Variants in BRD1 observed in about 807,000 individuals in gnomAD.
BRD1 encodes bromodomain-containing protein 1.
A neutral mutation model predicts 107.7 loss-of-function variants in BRD1; 24 were observed. The observed-to-expected ratio is 0.22, with a 90% confidence interval of 0.16 to 0.31. BRD1 has a LOEUF of 0.31. Ranked by LOEUF, BRD1 falls within the 10% of genes least tolerant of loss-of-function variation. BRD1 has a pLI of 1.00. For synonymous variants in BRD1, 744 were observed against 686.1 expected, an observed-to-expected ratio of 1.08 and a Z score of -1.32; for missense variants, 1,279 against 1,638.6, an observed-to-expected ratio of 0.78 and a Z score of 3.79.
chr22:49,774,115 G>A lies in BRD1; in HGVS notation c.*118C>T, dbSNP rs565642185. The A allele has an allele frequency of 1.5e-4, 197 of 1,344,816 alleles. No individual in the cohort carries two copies. The African/African-American group carries it at 1.5e-3, about 10-fold the overall frequency. The allele number at this position is 1,344,816 out of a possible 1,614,324, so 83.3% of individuals were successfully genotyped here. On this transcript the variant is annotated 3_prime_UTR_variant, in exon 13 of 13. Coordinates refer to ENST00000404760, the MANE Select transcript of BRD1 (RefSeq NM_001304808.3). ...TGGAAATAAAACCTCCCCCCTCCCC[G>A]GGGAAAAAGAATTAAAGAGCTATAA...
At chr22:49,784,960 T>G (rs2059294192) in intron 8 of BRD1, among the ~76,000 whole-genome samples, 1 of 152,222 alleles carries the variant, frequency 6.6e-6, no homozygotes, top group East Asian at 1.9e-4. Flanking sequence ...CACTCGGAAA[T>G]GAGAGAGCAG....
Position 49,824,364 on chromosome 22 carries a change from C to CGCAGGGTGACCAAAGACT in BRD1, c.-14-51_-14-34dup. On this transcript the variant is annotated intron_variant, in intron 1 of 12. Coordinates refer to ENST00000404760, the MANE Select transcript of BRD1 (RefSeq NM_001304808.3). The surrounding 1 kb of genome is among the most constrained non-coding windows in gnomAD (Gnocchi z 5.9). ...GAAGGCAAAAGTAAAGGTAATTCTA[C>CGCAGGGTGACCAAAGACT]GCAGGGTGACCAAAGACTCGAGAAA... The CGCAGGGTGACCAAAGACT allele has an allele frequency of 6.3e-7, 1 of 1,599,198 alleles. No homozygotes were observed. Among genetic ancestry groups the CGCAGGGTGACCAAAGACT allele is most frequent in the Non-Finnish European group, 8.5e-7 (1 of 1,171,984 alleles).
chr22:49,802,178 G>A (rs536722718), intron 3 of BRD1, among the ~76,000 whole-genome samples: 10 of 145,638 alleles, frequency 6.9e-5, no homozygotes, highest in South Asian at 2.2e-4. Flanking sequence ...CCAACATCGC[G>A]GGGGCCGAGA....
chr22:49,776,998 T>C lies in BRD1; in HGVS notation c.3121+36A>G, dbSNP rs369232838. 97 of 1,611,036 alleles carry C rather than the reference T, an allele frequency of 6.0e-5. 1 individual carries two copies. Among genetic ancestry groups the C allele is most frequent in the Non-Finnish European group, 8.1e-5 (95 of 1,179,496 alleles). ...GAGCCCTAAGACGCTAACCAGGAGG[T>C]GTGGAGAGCCATGGAGGCAGGTCCG... On this transcript the variant is annotated intron_variant, in intron 10 of 12. Transcript: ENST00000404760.
chr22:49,795,094 GAATA>G (rs1195293074), intron 6 of BRD1, among the ~76,000 whole-genome samples: 2 of 152,170 alleles, frequency 1.3e-5, no homozygotes, highest in Non-Finnish European at 2.9e-5. Context: ...CTCTTTGGCT[GAATA>G]AATAAAGTAG....
intron 2 of BRD1, among the ~76,000 whole-genome samples, chr22:49,810,696 A>G (rs557814825): frequency 6.6e-6 from 1 of 152,356 alleles, no homozygotes; most frequent in African/African-American, 2.4e-5. Context: ...AAAATATGCA[A>G]ATGGCCAGGC....
chr22:49,823,579 C>T lies in BRD1; in HGVS notation c.739G>A (p.Gly247Arg), dbSNP rs1194928925. 1 of 1,606,040 alleles carries T rather than the reference C, an allele frequency of 6.2e-7. No individual in the cohort carries two copies. Residue 247 changes from glycine (G) to arginine (R), a missense_variant, in exon 2 of 13, where the codon GGG becomes AGG. Gly to Arg is a moderately radical substitution (Grantham distance 125). This residue lies in a region of BRD1 where 158 missense variants were observed against 310.2 expected (regional missense o/e 0.51). Coordinates refer to ENST00000404760, the MANE Select transcript of BRD1 (RefSeq NM_001304808.3). ...CNLAVHQECY[G>R]VPYIPEGQWL... ...TGGCCCTCGGGGATGTAGGGCACCC[C>T]GTAGCACTCCTGGTGCACGGCCAGG...
rs546936707 is a variant in BRD1 at position 49,789,198 on chromosome 22, T to C, written c.2360-1311A>G. 2.0e-5 allele frequency among the ~76,000 whole-genome samples: 3 copies of C among 152,356 alleles called. No homozygotes were observed. The South Asian group carries it at 6.2e-4, about 32-fold the overall frequency. ...GAGCACAGCTGTCATGTGGGAATGC[T>C]GGATCCCAAGGCAGGGGCACATGCG... On this transcript the variant is annotated intron_variant, in intron 7 of 12. Coordinates refer to ENST00000404760, the MANE Select transcript of BRD1 (RefSeq NM_001304808.3).
intron 1 of BRD1, among the ~76,000 whole-genome samples, chr22:49,826,420 G>C (rs1186156937): frequency 6.6e-6 from 1 of 152,254 alleles, no homozygotes; most frequent in African/African-American, 2.4e-5. Context: ...CCCTGGGCCG[G>C]TTCTGTCCCT....
chr22:49,826,391 CTCT>C, intron 1 of BRD1: 2 of 347,204 alleles, frequency 5.8e-6, no homozygotes, highest in Middle Eastern at 3.0e-3. Context: ...CCACGACCTC[CTCT>C]GCTTCACCGC....
intron 2 of BRD1, among the ~76,000 whole-genome samples, chr22:49,814,272 G>T (rs899098174): frequency 1.3e-5 from 2 of 152,250 alleles, no homozygotes; most frequent in African/African-American, 4.8e-5. Context: ...TGCACAGGCA[G>T]GGCAGGAGCC....
chr22:49,786,002 C>T (rs114146756), intron 8 of BRD1, among the ~76,000 whole-genome samples: 2 of 152,160 alleles, frequency 1.3e-5, no homozygotes, highest in Non-Finnish European at 2.9e-5. Flanking sequence ...CATCTGCACC[C>T]GGCCTGGTGA....
intron 12 of BRD1, among the ~76,000 whole-genome samples, chr22:49,774,806 G>C (rs1271382917): frequency 6.6e-6 from 1 of 152,284 alleles, no homozygotes; most frequent in Non-Finnish European, 1.5e-5. Flanking sequence ...CCTCGCTCAA[G>C]GCCTGACAAG....
In BRD1 at chr22:49,823,455, C is replaced by T; in HGVS notation, c.863G>A (p.Arg288His). 5.6e-6 allele frequency: 9 copies of T among 1,610,300 alleles called. No homozygotes were observed. The highest frequency in any genetic ancestry group is 7.6e-6 in the Non-Finnish European group (9 of 1,179,834). The change falls in exon 2 of 13, where the codon CGC (arginine) becomes CAC (histidine). Residue 288 changes from arginine (R) to histidine (H), a missense_variant. Physicochemically the swap from Arg to His is conservative, Grantham distance 29 (BLOSUM62 0). Coordinates refer to ENST00000404760, the MANE Select transcript of BRD1 (RefSeq NM_001304808.3). Reference sequence around the variant, plus strand: ...CAGGGCACACACCACGTGACCCCAGCGGTCGTCATCTGTCTTTTTGAAGGC... The same window carrying T: ...CAGGGCACACACCACGTGACCCCAGTGGTCGTCATCTGTCTTTTTGAAGGC... ...GGAFKKTDDD[R>H]WGHVVCALWI... is the part of the protein sequence containing the mutation.
In BRD1 at chr22:49,823,969, GGGCACT is replaced by G. The variant is rs769860409; in HGVS notation, c.343_348del (p.Ser115_Ala116del). 1 of 1,614,058 alleles carries G rather than the reference GGGCACT, an allele frequency of 6.2e-7. No individual in the cohort carries two copies. The highest frequency in any genetic ancestry group is 8.5e-7 in the Non-Finnish European group (1 of 1,180,032). On this transcript the variant is annotated inframe_deletion, in exon 2 of 13. Transcript: ENST00000404760. ...ACGATGCGCACCTTGGGCTCCGGGA[GGGCACT>G]GGCCGAGGCCGGCGTGCCGTGGGCG...
In BRD1 at chr22:49,797,839, A is replaced by C. The variant is rs763870829; in HGVS notation, c.2064T>G (p.Ala688=). 1.9e-6 allele frequency: 3 copies of C among 1,608,516 alleles called. No individual in the cohort carries two copies. The highest frequency in any genetic ancestry group is 1.7e-5 in the Admixed American group (1 of 59,824). The change falls in exon 6 of 13, where the codon GCT becomes GCG. Residue 688 remains alanine, a synonymous_variant. Coordinates refer to ENST00000404760, the MANE Select transcript of BRD1 (RefSeq NM_001304808.3). ...AGGAGAAAGGCCGCCGCGGTGCCGC[A>C]GCAGGCCGCTCAGGCAGGTGCATCC... ...ASGMHLPERP[A]AAPRRPFSWE...
chr22:49,822,284 G>A (rs1601749413), intron 2 of BRD1, among the ~76,000 whole-genome samples: 1 of 152,134 alleles, frequency 6.6e-6, no homozygotes, highest in East Asian at 1.9e-4. Context: ...AATTAGCTGG[G>A]CATGGGAGCA....
At chr22:49,775,826 C>CAGCTGTGTGAGCCTCCTCAGAA (rs2059078667) in intron 11 of BRD1, 81 bp from the exon 12 acceptor site, 3 of 1,185,946 alleles carry the variant, frequency 2.5e-6, no homozygotes, top group Non-Finnish European at 3.2e-6. Context: ...CCCCCCCCCG[C>CAGCTGTGTGAGCCTCCTCAGAA]CTCCCCACCC....
intron 8 of BRD1, among the ~76,000 whole-genome samples, chr22:49,779,663 C>T (rs2059166314): frequency 6.6e-6 from 1 of 152,130 alleles, no homozygotes; most frequent in African/African-American, 2.4e-5. Flanking sequence ...CCACATGCTC[C>T]CCATACTCAT....
Sources: gnomAD v4.1 joint callset for allele counts (sites outside exome capture counted in the v4.1 genomes callset) on GRCh38, gnomAD v4.1.1 for gene constraint, gnomAD v4.1.1 regional missense constraint, Gnocchi (gnomAD v3.1) non-coding constraint, MANE v1.5 for transcripts, NCBI Gene and HGNC (gene_info 2026-07-23, HGNC 2026-07-21) for gene names.